UBL3: variants seen among roughly 807,000 people sequenced by gnomAD.
The protein encoded by UBL3 is ubiquitin like 3, also known as ubiquitin-like protein 3.
Under a neutral mutation model 18.4 loss-of-function variants are expected in UBL3, and 6 were observed. The ratio of observed to expected loss-of-function variants is 0.33; its 90% CI spans 0.18 to 0.64. UBL3 has a LOEUF of 0.64. Among genes scored for constraint, UBL3 ranks in the 30% least tolerant of loss-of-function variants. UBL3 has a pLI of 0.76. For synonymous variants in UBL3, 49 were observed against 46.6 expected, an observed-to-expected ratio of 1.05 and a Z score of -0.21; for missense variants, 109 against 142.9, an observed-to-expected ratio of 0.76 and a Z score of 1.21.
intron 1 of UBL3, among the ~76,000 whole-genome samples, chr13:29,784,429 G>A (rs4083610): frequency 0.58 from 87,540 of 151,940 alleles, 26,378 homozygotes; most frequent in Non-Finnish European, 0.66. Context: ...TACTTCACAT[G>A]CCAGTCTTCC....
intron 1 of UBL3, among the ~76,000 whole-genome samples, chr13:29,835,146 AT>A (rs1417806712): frequency 3.5e-4 from 6 of 17,332 alleles, no homozygotes; most frequent in Admixed American, 7.0e-4. Context: ...ATATATATAT[AT>A]ATATATATAT....
chr13:29,789,376 A>G (rs1457499256), intron 1 of UBL3, among the ~76,000 whole-genome samples: 2 of 152,258 alleles, frequency 1.3e-5, no homozygotes, highest in African/African-American at 4.8e-5. Flanking sequence ...ATTTAAAAAT[A>G]TAAAAGAAAA....
chr13:29,840,716 C>T (rs1231181568), intron 1 of UBL3, among the ~76,000 whole-genome samples: 1 of 152,130 alleles, frequency 6.6e-6, no homozygotes, highest in Non-Finnish European at 1.5e-5. Flanking sequence ...TTTGACAGAG[C>T]AACTACATTA....
At position 29,777,180 on chromosome 13, in the gene UBL3, C is replaced by G. The variant is rs1457035638; in HGVS notation, c.111G>C (p.Lys37Asn). The G allele has an allele frequency of 6.2e-7, 1 of 1,605,816 alleles. No individual in the cohort carries two copies. The highest frequency in any genetic ancestry group is 8.5e-7 in the Non-Finnish European group (1 of 1,175,964). Residue 37 changes from lysine (K) to asparagine (N), a missense_variant, in exon 2 of 5, where the codon AAG becomes AAC. By Grantham distance (94) the Lys-to-Asn change is moderately conservative (BLOSUM62 0). Coordinates refer to ENST00000380680, the MANE Select transcript of UBL3 (RefSeq NM_007106.4). Reference protein sequence around the residue: ...SPNDSASDIAKHVYDNWPMDW... With the variant: ...SPNDSASDIANHVYDNWPMDW... The stretch of plus-strand genomic sequence containing the variant: ...CCATTGGCCAATTGTCATATACATG[C>G]TTTGCAATGTCAGAAGCAGAATCGT...
rs181013567 is a variant in UBL3, at chr13:29,802,924, G to A, written c.28-25661C>T. 1.9e-3 allele frequency among the ~76,000 whole-genome samples: 296 copies of A among 152,174 alleles called. 1 individual carries two copies. Among genetic ancestry groups the A allele is most frequent in the African/African-American group, 6.8e-3 (282 of 41,518 alleles). On this transcript the variant is annotated intron_variant, in intron 1 of 4. Transcript: ENST00000380680. ...AAATTTCCCCAACTTCACTAAAGAG[G>A]CCAACATTCAAATTCAGGAAATGCA...
chr13:29,835,125 A>AATATATATATATATATATATATAAAT (rs1878908033), intron 1 of UBL3, among the ~76,000 whole-genome samples: 1 of 23,444 alleles, frequency 4.3e-5, no homozygotes, highest in Non-Finnish European at 6.8e-5. Flanking sequence ...TATATATATA[A>AATATATATATATATATATATATAAAT]ATATATATAT....
intron 1 of UBL3, among the ~76,000 whole-genome samples, chr13:29,782,455 GA>G (rs1248383399): frequency 2.0e-5 from 3 of 152,142 alleles, no homozygotes; most frequent in Non-Finnish European, 4.4e-5. Context: ...TAGATGTTCA[GA>G]ATGTTGGAAA....
chr13:29,799,175 GAT>G (rs778440253), intron 1 of UBL3, among the ~76,000 whole-genome samples: 1 of 152,154 alleles, frequency 6.6e-6, no homozygotes, highest in Non-Finnish European at 1.5e-5. Context: ...CTATCCACTA[GAT>G]ATCAGTGGCA....
chr13:29,803,428 A>C (rs532678760), intron 1 of UBL3, among the ~76,000 whole-genome samples: 3 of 152,336 alleles, frequency 2.0e-5, no homozygotes, highest in South Asian at 4.1e-4. Context: ...AAATCCACAC[A>C]TATCAATATT....
chr13:29,823,433 C>T (rs966457488), intron 1 of UBL3, among the ~76,000 whole-genome samples: 3 of 152,228 alleles, frequency 2.0e-5, no homozygotes, highest in Non-Finnish European at 2.9e-5. Context: ...TGAGCCACTG[C>T]GCCCGGCTGC....
chr13:29,788,883 GCACGCGCA>G (rs2139322480), intron 1 of UBL3, among the ~76,000 whole-genome samples: 1 of 28,446 alleles, frequency 3.5e-5, no homozygotes, highest in African/African-American at 8.5e-5. Context: ...GCGCGCGCGC[GCACGCGCA>G]CGTGTGTGCG....
intron 1 of UBL3, among the ~76,000 whole-genome samples, chr13:29,817,308 C>G (rs17073932): frequency 0.015 from 2,281 of 152,248 alleles, 58 homozygotes; most frequent in African/African-American, 0.051. Context: ...ACTGTAATAA[C>G]TAAAGCTAAG....
chr13:29,776,963 C>T (rs1266083447), intron 2 of UBL3, among the ~76,000 whole-genome samples, 192 bp downstream of exon 2: 2 of 151,620 alleles, frequency 1.3e-5, no homozygotes, highest in African/African-American at 4.9e-5. Context: ...TTCTGGGCTC[C>T]TTTACCATTT....
At chr13:29,835,124 AAATATATATATATATATATATATATATAT>A (rs1566001047) in intron 1 of UBL3, among the ~76,000 whole-genome samples, 5,331 of 36,708 alleles carry the variant, frequency 0.15, 683 homozygotes, top group South Asian at 0.28. Flanking sequence ...ATATATATAT[AAATATATATATATATATATATATATATAT>A]ATATATATAT....
At chr13:29,840,946 AAGGAGGCAGCTTT>A (rs1364581866) in intron 1 of UBL3, among the ~76,000 whole-genome samples, 1 of 152,202 alleles carries the variant, frequency 6.6e-6, no homozygotes, top group Non-Finnish European at 1.5e-5. Context: ...TTAAATATGT[AAGGAGGCAGCTTT>A]AGGCTAAACT....
intron 1 of UBL3, among the ~76,000 whole-genome samples, chr13:29,845,167 A>G (rs1314736263): frequency 1.3e-5 from 2 of 152,196 alleles, no homozygotes; most frequent in African/African-American, 4.8e-5. Flanking sequence ...TTTAGACACA[A>G]GCTGGGGTAG....
intron 1 of UBL3, among the ~76,000 whole-genome samples, chr13:29,827,016 G>C (rs1470463052): frequency 6.6e-6 from 1 of 152,144 alleles, no homozygotes; most frequent in East Asian, 1.9e-4. Context: ...TCTTAATCCT[G>C]AGTTCTAGTT....
At chr13:29,795,885 CTG>C (rs1877597550) in intron 1 of UBL3, among the ~76,000 whole-genome samples, 1 of 151,162 alleles carries the variant, frequency 6.6e-6, no homozygotes, top group East Asian at 1.9e-4. Flanking sequence ...CGAGCTATGA[CTG>C]TGTCACTGCA....
At chr13:29,776,902 T>A (rs927805883) in intron 2 of UBL3, among the ~76,000 whole-genome samples, 3 of 143,652 alleles carry the variant, frequency 2.1e-5, no homozygotes, top group African/African-American at 7.8e-5. Context: ...AAAAAAAAAA[T>A]TTTTTTCACT....
Sources: allele counts gnomAD v4.1 joint callset (sites outside exome capture counted in the v4.1 genomes callset), GRCh38; gene constraint gnomAD v4.1.1; transcripts MANE v1.5; gene names NCBI Gene and HGNC (gene_info 2026-07-23, HGNC 2026-07-21).